The following ATXN8OS variants were observed in gnomAD, a reference collection of about 807,000 sequenced individuals.
ATXN8OS encodes ATXN8 opposite strand (non-protein coding).
chr13:70,113,186 C>T (rs911411987), intron 1 of ATXN8OS, among the ~76,000 whole-genome samples: 1 of 151,888 alleles, frequency 6.6e-6, no homozygotes, highest in Admixed American at 6.6e-5. Context: ...TCCCAAAGTG[C>T]TGGGATTACA....
chr13:70,155,545 C>T (rs1888925817), intron 4 of ATXN8OS, among the ~76,000 whole-genome samples: 1 of 152,128 alleles, frequency 6.6e-6, no homozygotes, highest in African/African-American at 2.4e-5. Context: ...AAATGGTTAT[C>T]ATAAAGCTTC....
chr13:70,168,690 C>A (rs1264708168), intron 4 of ATXN8OS, among the ~76,000 whole-genome samples: 1 of 149,646 alleles, frequency 6.7e-6, no homozygotes, highest in Non-Finnish European at 1.5e-5. Flanking sequence ...ACCTTTAGTT[C>A]TATTCATGTT....
At chr13:70,114,961 CTG>C (rs1384218017) in intron 1 of ATXN8OS, among the ~76,000 whole-genome samples, 1 of 151,962 alleles carries the variant, frequency 6.6e-6, no homozygotes, top group East Asian at 1.9e-4. Flanking sequence ...ATTTCCTCAG[CTG>C]TGTGAGCTCT....
intron 2 of ATXN8OS, among the ~76,000 whole-genome samples, chr13:70,125,411 T>C (rs1249556958): frequency 6.6e-6 from 1 of 152,118 alleles, no homozygotes; most frequent in Non-Finnish European, 1.5e-5. Flanking sequence ...ATCTTTTCCT[T>C]ACGAGGTAAA....
At chr13:70,125,358 A>G (rs750436440) in intron 2 of ATXN8OS, among the ~76,000 whole-genome samples, 2 of 152,128 alleles carry the variant, frequency 1.3e-5, no homozygotes, top group Non-Finnish European at 2.9e-5. Flanking sequence ...AAGGTACGTC[A>G]TTTTAGATAC....
chr13:70,139,061 A>G (rs747696202), intron 3 of ATXN8OS, among the ~76,000 whole-genome samples: 3 of 152,168 alleles, frequency 2.0e-5, no homozygotes, highest in Non-Finnish European at 2.9e-5. Context: ...TTTATCTTAA[A>G]TCATTTATCG....
At chr13:70,148,879 C>T (rs1441253221) in intron 4 of ATXN8OS, among the ~76,000 whole-genome samples, 1 of 152,108 alleles carries the variant, frequency 6.6e-6, no homozygotes, top group Non-Finnish European at 1.5e-5. Flanking sequence ...GTAAAGATTA[C>T]AGCAGGGTAT....
intron 4 of ATXN8OS, among the ~76,000 whole-genome samples, chr13:70,154,476 A>G (rs927732898): frequency 6.6e-6 from 1 of 152,158 alleles, no homozygotes; most frequent in Non-Finnish European, 1.5e-5. Context: ...TGATTGTGGA[A>G]TAATAAAGTG....
chr13:70,121,553 T>C (rs534328807), intron 2 of ATXN8OS, among the ~76,000 whole-genome samples: 1 of 152,146 alleles, frequency 6.6e-6, no homozygotes, highest in East Asian at 1.9e-4. Context: ...GACTCAATAA[T>C]GTAGCCAAGA....
chr13:70,147,757 T>C (rs1888806905), intron 4 of ATXN8OS, among the ~76,000 whole-genome samples: 1 of 152,192 alleles, frequency 6.6e-6, no homozygotes, highest in Non-Finnish European at 1.5e-5. Flanking sequence ...GACCATGGCC[T>C]GTGACACAGC....
intron 4 of ATXN8OS, among the ~76,000 whole-genome samples, chr13:70,167,270 A>C (rs1400741198): frequency 6.6e-6 from 1 of 152,092 alleles, no homozygotes; most frequent in Non-Finnish European, 1.5e-5. Flanking sequence ...CCAAATGTCT[A>C]ACAATGATAC....
chr13:70,120,906 A>C (rs4883860), intron 2 of ATXN8OS, among the ~76,000 whole-genome samples: 103,463 of 142,662 alleles, frequency 0.73, 37,647 homozygotes, highest in South Asian at 0.85. Context: ...GAACATCACA[A>C]ACCGGGGCCT....
chr13:70,148,689 A>G (rs1292474884), intron 4 of ATXN8OS, among the ~76,000 whole-genome samples: 2 of 152,112 alleles, frequency 1.3e-5, no homozygotes, highest in African/African-American at 2.4e-5. Flanking sequence ...AAAATTTCGT[A>G]AACTAAAATT....
chr13:70,145,293 C>T lies in ATXN8OS; in HGVS notation n.500-2062C>T, dbSNP rs558545390. Among the ~76,000 whole-genome samples the T allele has an allele frequency of 3.9e-5, 6 of 152,068 alleles. No individual in the cohort carries two copies. The South Asian group carries it at 6.2e-4, about 16-fold the overall frequency. ...TTCAAGTCAGGTAGCGTGATGACTC[C>T]GGCTTTGTTCTTTTGGCTTAGGATT... On this transcript the variant is annotated intron_variant and non_coding_transcript_variant, in intron 3 of 4. Transcript: ENST00000678624.
intron 3 of ATXN8OS, chr13:70,131,494 A>AT (rs995471009): frequency 1.0e-5 from 4 of 398,180 alleles, no homozygotes; most frequent in Admixed American, 4.4e-5. Flanking sequence ...CATTTTACAT[A>AT]TTTTTTTACA....
At chr13:70,135,700 G>C (rs1888605002) in intron 3 of ATXN8OS, among the ~76,000 whole-genome samples, 1 of 151,940 alleles carries the variant, frequency 6.6e-6, no homozygotes, top group Non-Finnish European at 1.5e-5. Context: ...TTTCATGATA[G>C]GAAATCCAAG....
At chr13:70,128,438 A>C (rs1888475781) in intron 2 of ATXN8OS, among the ~76,000 whole-genome samples, 1 of 152,160 alleles carries the variant, frequency 6.6e-6, no homozygotes, top group African/African-American at 2.4e-5. Context: ...CAAAAGGCTG[A>C]ACCCGTAGTT....
exon 5 of ATXN8OS, among the ~76,000 whole-genome samples, chr13:70,170,453 A>C (rs1370075094): frequency 6.6e-6 from 1 of 152,172 alleles, no homozygotes; most frequent in Admixed American, 6.6e-5. Flanking sequence ...ATGAGTAGGC[A>C]ACGCAGTCTG....
chr13:70,118,658 G>T (rs775275247), intron 2 of ATXN8OS, among the ~76,000 whole-genome samples: 4 of 151,910 alleles, frequency 2.6e-5, no homozygotes, highest in Non-Finnish European at 5.9e-5. Context: ...CTACACTTAT[G>T]TTATTTTTAT....
Sources: allele counts gnomAD v4.1 joint callset (sites outside exome capture counted in the v4.1 genomes callset), GRCh38; gene constraint gnomAD v4.1.1; transcripts MANE v1.5; gene names NCBI Gene and HGNC (gene_info 2026-07-23, HGNC 2026-07-21).